Variants in RPTOR observed in about 807,000 individuals in gnomAD.
RPTOR encodes the protein regulatory-associated protein of mTOR.
In RPTOR, 21 loss-of-function variants were observed where a neutral mutation model predicts 169.9. The ratio of observed to expected loss-of-function variants is 0.12; its 90% CI spans 0.09 to 0.18. The LOEUF (loss-of-function observed/expected upper bound fraction) is 0.18, where lower values mean the gene tolerates loss of function less well. Ranked by LOEUF, RPTOR falls within the 10% of genes least tolerant of loss-of-function variation. The pLI is 1.00. For missense variants in RPTOR, 1,133 were observed against 1,855.9 expected, an observed-to-expected ratio of 0.61 and a Z score of 7.16; for synonymous variants, 732 against 753.2, an observed-to-expected ratio of 0.97 and a Z score of 0.46.
intron 6 of RPTOR, among the ~76,000 whole-genome samples, chr17:80,780,697 T>TCCTGA (rs781435694): frequency 9.2e-5 from 14 of 152,140 alleles, no homozygotes; most frequent in Admixed American, 3.3e-4. Context: ...GTCAGGTGAG[T>TCCTGA]CGTAAGAGTC....
At chr17:80,830,732 A>G (rs1598336870) in intron 9 of RPTOR, among the ~76,000 whole-genome samples, 1 of 150,428 alleles carries the variant, frequency 6.6e-6, no homozygotes, top group African/African-American at 2.4e-5. Context: ...GCTTCCCATG[A>G]TGGGGAGCAT....
chr17:80,555,911 G>C (rs2084401624), intron 1 of RPTOR, among the ~76,000 whole-genome samples: 1 of 152,130 alleles, frequency 6.6e-6, no homozygotes, highest in South Asian at 2.1e-4. Context: ...GGGGCACCAA[G>C]TGGAGAGGAG....
At chr17:80,951,846 C>A (rs1395409148) in intron 28 of RPTOR, among the ~76,000 whole-genome samples, 1 of 152,220 alleles carries the variant, frequency 6.6e-6, no homozygotes, top group South Asian at 2.1e-4. Context: ...CTGTCCTACC[C>A]GGGTACGTCG....
At position 80,659,244 on chromosome 17, in the gene RPTOR, C is replaced by G. The variant is rs1021434647; in HGVS notation, c.348+15434C>G. Among the ~76,000 whole-genome samples, 5 of 152,114 alleles carry G rather than the reference C, an allele frequency of 3.3e-5. No individual in the cohort carries two copies. The highest frequency in any genetic ancestry group is 1.2e-4 in the African/African-American group (5 of 41,414). ...GGTGACCCTGGGTGAAATGTAGGCT[C>G]CATGGCTCCGAGGGGGAAGTGGGCT... On this transcript the variant is annotated intron_variant, in intron 3 of 33. Transcript: ENST00000306801. This position sits in a 1 kb window ranked among gnomAD's most constrained non-coding sequence, Gnocchi z 4.3.
intron 1 of RPTOR, chr17:80,602,602 C>T (rs939995267): frequency 1.6e-6 from 1 of 627,748 alleles, no homozygotes; most frequent in Non-Finnish European, 3.0e-6. Context: ...GTAACAGGTA[C>T]ATAGGTAACC....
chr17:80,964,594 G>A lies in RPTOR; in HGVS notation c.*264G>A, dbSNP rs980768816. 7 of 549,018 alleles carry A rather than the reference G, an allele frequency of 1.3e-5. No individual in the cohort carries two copies. The highest frequency in any genetic ancestry group is 3.0e-5 in the East Asian group (1 of 33,440). The allele number at this position is 549,018 out of a possible 1,614,324, so 34.0% of individuals were successfully genotyped here. On this transcript the variant is annotated 3_prime_UTR_variant, in exon 34 of 34. Transcript: ENST00000306801. The stretch of plus-strand genomic sequence containing the variant: ...ATCCAGGTGCACCCCCGCGGCCACG[G>A]CGCCTCTGTCCCTCTCCTGTTCTGT...
intron 20 of RPTOR, among the ~76,000 whole-genome samples, chr17:80,894,161 C>T (rs545635730): frequency 2.0e-5 from 3 of 152,254 alleles, no homozygotes; most frequent in East Asian, 1.9e-4. Flanking sequence ...GTTCCATAGA[C>T]GGGTGAGAGT....
intron 21 of RPTOR, among the ~76,000 whole-genome samples, chr17:80,917,148 T>C (rs1225196604): frequency 6.6e-6 from 1 of 150,506 alleles, no homozygotes. Flanking sequence ...AGTCTCACTA[T>C]GTCGCCCAGG....
intron 1 of RPTOR, among the ~76,000 whole-genome samples, chr17:80,596,970 C>G (rs1045493796): frequency 6.6e-6 from 1 of 152,192 alleles, no homozygotes; most frequent in Non-Finnish European, 1.5e-5. Flanking sequence ...ACAGCCGATT[C>G]GTTCAGCAGG....
In RPTOR at chr17:80,936,917, G is replaced by A. The variant is rs561536525; in HGVS notation, c.2920-3579G>A. On this transcript the variant is annotated intron_variant, in intron 24 of 33. Coordinates refer to ENST00000306801, the MANE Select transcript of RPTOR (RefSeq NM_020761.3). This position sits in a 1 kb window ranked among gnomAD's most constrained non-coding sequence, Gnocchi z 4.1. ...TAACACAAAGGCTGTGTCCTTGGACGTAATGTACACGAGACACTGGCAGAA... is the reference window on the plus strand; with the variant it reads ...TAACACAAAGGCTGTGTCCTTGGACATAATGTACACGAGACACTGGCAGAA... Among the ~76,000 whole-genome samples the A allele has an allele frequency of 6.6e-6, 1 of 152,324 alleles. No individual in the cohort carries two copies. Among genetic ancestry groups the A allele is most frequent in the East Asian group, 1.9e-4 (1 of 5,192 alleles).
At chr17:80,714,867 G>A (rs1484013563) in intron 4 of RPTOR, among the ~76,000 whole-genome samples, 2 of 152,130 alleles carry the variant, frequency 1.3e-5, no homozygotes, top group East Asian at 1.9e-4. Flanking sequence ...GGGATTACAG[G>A]CGTCCACCAC....
chr17:80,672,451 C>T (rs532692755), intron 3 of RPTOR, among the ~76,000 whole-genome samples: 7 of 149,456 alleles, frequency 4.7e-5, no homozygotes, highest in African/African-American at 1.7e-4. Flanking sequence ...GAGGGGACTT[C>T]AAAAAGTTCA....
intron 2 of RPTOR, among the ~76,000 whole-genome samples, chr17:80,630,768 G>A (rs2065436085): frequency 6.6e-6 from 1 of 152,224 alleles, no homozygotes; most frequent in Admixed American, 6.5e-5. Flanking sequence ...AGGCAGGCCA[G>A]GGGGTTTTCC....
intron 4 of RPTOR, among the ~76,000 whole-genome samples, chr17:80,710,664 A>G (rs1453870134): frequency 6.6e-6 from 1 of 151,324 alleles, no homozygotes; most frequent in African/African-American, 2.4e-5. Flanking sequence ...GTTGAATGAT[A>G]CTGTATGACC....
intron 3 of RPTOR, among the ~76,000 whole-genome samples, chr17:80,644,362 A>C (rs77922527): frequency 2.2e-3 from 278 of 124,592 alleles, no homozygotes; most frequent in African/African-American, 9.0e-3. Context: ...TGTTTGTTTA[A>C]AGAAAAGTGG....
Position 80,651,798 on chromosome 17 carries a change from G to T in RPTOR, c.348+7988G>T, listed in dbSNP as rs1005596461. On this transcript the variant is annotated intron_variant, in intron 3 of 33. Coordinates refer to ENST00000306801, the MANE Select transcript of RPTOR (RefSeq NM_020761.3). The surrounding 1 kb of genome is among the most constrained non-coding windows in gnomAD (Gnocchi z 4.1). ...TTTGGGAGGCCGAGGCGGGTGGATC[G>T]TGAGGTCAGGAGATCGAGACCATGG... 6.6e-6 allele frequency among the ~76,000 whole-genome samples: 1 copy of T among 152,004 alleles called. No homozygotes were observed. The highest frequency in any genetic ancestry group is 1.5e-5 in the Non-Finnish European group (1 of 67,986).
At chr17:80,569,016 T>A (rs554925932) in intron 1 of RPTOR, among the ~76,000 whole-genome samples, 1 of 152,356 alleles carries the variant, frequency 6.6e-6, no homozygotes, top group Admixed American at 6.5e-5. Context: ...TTTCAGATGC[T>A]ATTTTTTTTC....
chr17:80,877,296 G>A (rs953186023), intron 13 of RPTOR, among the ~76,000 whole-genome samples: 1 of 152,214 alleles, frequency 6.6e-6, no homozygotes, highest in South Asian at 2.1e-4. Flanking sequence ...GGGTGGGGGC[G>A]GTTTGAGTTA....
intron 3 of RPTOR, among the ~76,000 whole-genome samples, chr17:80,694,584 C>T (rs900427714): frequency 2.6e-5 from 4 of 152,204 alleles, no homozygotes; most frequent in Non-Finnish European, 5.9e-5. Flanking sequence ...GCATCAGGTT[C>T]CCAGTTCTCT....
Sources: gnomAD v4.1 joint callset for allele counts (sites outside exome capture counted in the v4.1 genomes callset) on GRCh38, gnomAD v4.1.1 for gene constraint, Gnocchi (gnomAD v3.1) non-coding constraint, MANE v1.5 for transcripts, NCBI Gene and HGNC (gene_info 2026-07-23, HGNC 2026-07-21) for gene names.